The following STXBP4 variants were observed in gnomAD, a reference collection of about 807,000 sequenced individuals.
STXBP4 encodes syntaxin binding protein 4.
A neutral mutation model predicts 76.1 loss-of-function variants in STXBP4; 55 were observed. The observed-to-expected ratio is 0.72, with a 90% CI of 0.58 to 0.91. The LOEUF (loss-of-function observed/expected upper bound fraction) is 0.91. Ranked by LOEUF, STXBP4 falls within the 40% of genes least tolerant of loss-of-function variation. The pLI is 0.00. For missense variants in STXBP4, 618 were observed against 636.9 expected, an observed-to-expected ratio of 0.97 and a Z score of 0.32; for synonymous variants, 201 against 220.2, an observed-to-expected ratio of 0.91 and a Z score of 0.77.
intron 16 of STXBP4, among the ~76,000 whole-genome samples, chr17:55,140,019 T>C (rs1029909477): frequency 6.6e-6 from 1 of 152,142 alleles, no homozygotes; most frequent in Admixed American, 6.6e-5. Context: ...ATAGTTACTG[T>C]TAGGCCAAGC....
At chr17:55,066,775 C>T (rs907067302) in intron 12 of STXBP4, among the ~76,000 whole-genome samples, 10 of 151,976 alleles carry the variant, frequency 6.6e-5, no homozygotes, top group Admixed American at 3.9e-4. Flanking sequence ...TTTCGGAGGC[C>T]GAGGTGGGTG....
In STXBP4 at chr17:55,055,296, T is replaced by G. The variant is rs938014114; in HGVS notation, c.1011+8142T>G. Reference sequence around the variant, plus strand: ...GATCTTAGAGGACTGCCATTTAAAATATTTGACAAGGAGAGAAAAATGAAC... The same window carrying G: ...GATCTTAGAGGACTGCCATTTAAAAGATTTGACAAGGAGAGAAAAATGAAC... On this transcript the variant is annotated intron_variant, in intron 12 of 17. Coordinates refer to ENST00000376352, the MANE Select transcript of STXBP4 (RefSeq NM_178509.6). 7.9e-4 allele frequency among the ~76,000 whole-genome samples: 120 copies of G among 152,242 alleles called. 4 individuals are homozygous for G. Among genetic ancestry groups the G allele is most frequent in the Admixed American group, 7.5e-3 (115 of 15,280 alleles).
chr17:55,120,443 T>G (rs2079831348), intron 16 of STXBP4, among the ~76,000 whole-genome samples: 1 of 152,184 alleles, frequency 6.6e-6, no homozygotes, highest in Non-Finnish European at 1.5e-5. Context: ...GCCAGAGATA[T>G]GTACACTGCT....
intron 13 of STXBP4, among the ~76,000 whole-genome samples, chr17:55,073,422 C>G (rs1397122850): frequency 6.6e-6 from 1 of 152,018 alleles, no homozygotes. Flanking sequence ...GGAATGGGAG[C>G]AGGGGAGTCT....
intron 16 of STXBP4, among the ~76,000 whole-genome samples, chr17:55,099,493 T>C (rs568827946): frequency 6.6e-6 from 1 of 152,336 alleles, no homozygotes; most frequent in Non-Finnish European, 1.5e-5. Context: ...CTGTACTGAA[T>C]ACTGTATGCA....
chr17:55,183,858 A>G, the STXBP4 span, among the ~76,000 whole-genome samples: 2 of 152,212 alleles, frequency 1.3e-5, no homozygotes, highest in Non-Finnish European at 2.9e-5. Context: ...ATTTATGTGA[A>G]CCAAATAATA....
chr17:55,060,529 C>T (rs1020105271), intron 12 of STXBP4, among the ~76,000 whole-genome samples: 2 of 152,054 alleles, frequency 1.3e-5, no homozygotes, highest in African/African-American at 4.8e-5. Context: ...ATTCCTTAAG[C>T]ACATAGATAA....
chr17:55,066,712 A>G (rs2079055626), intron 12 of STXBP4, among the ~76,000 whole-genome samples: 1 of 152,074 alleles, frequency 6.6e-6, no homozygotes, highest in African/African-American at 2.4e-5. Context: ...AAATTTATAT[A>G]AAAAGAATAT....
chr17:55,115,362 G>A (rs1279875999), intron 16 of STXBP4, among the ~76,000 whole-genome samples: 1 of 151,676 alleles, frequency 6.6e-6, no homozygotes, highest in Non-Finnish European at 1.5e-5. Context: ...TATAGAATAT[G>A]GCTTTCTGTA....
chr17:55,210,505 T>C, the STXBP4 span, among the ~76,000 whole-genome samples: 1 of 152,218 alleles, frequency 6.6e-6, no homozygotes, highest in Admixed American at 6.5e-5. Context: ...ATTACTTCTC[T>C]TGATAAAGTT....
chr17:55,204,128 T>C, the STXBP4 span, among the ~76,000 whole-genome samples: 1 of 152,076 alleles, frequency 6.6e-6, no homozygotes, highest in African/African-American at 2.4e-5. Flanking sequence ...CTATTTTTAA[T>C]GCTATTCTCT....
intron 12 of STXBP4, among the ~76,000 whole-genome samples, chr17:55,055,224 T>C (rs1399017163): frequency 6.6e-6 from 1 of 152,094 alleles, no homozygotes; most frequent in Non-Finnish European, 1.5e-5. Context: ...GACATTTGGG[T>C]GGGTGTGTTG....
chr17:55,112,890 C>A (rs1204562249), intron 16 of STXBP4, among the ~76,000 whole-genome samples: 1 of 151,874 alleles, frequency 6.6e-6, no homozygotes, highest in Non-Finnish European at 1.5e-5. Context: ...AAGGGAATTT[C>A]AAAGAAGGAG....
chr17:55,075,662 G>A (rs1035322423), intron 13 of STXBP4, among the ~76,000 whole-genome samples: 9 of 152,034 alleles, frequency 5.9e-5, no homozygotes, highest in Non-Finnish European at 1.3e-4. Context: ...TGTTTACCCC[G>A]CATACTTGCT....
intron 1 of STXBP4, among the ~76,000 whole-genome samples, chr17:54,970,051 A>G (rs1470973574): frequency 3.3e-5 from 5 of 152,216 alleles, no homozygotes; most frequent in Non-Finnish European, 5.9e-5. Flanking sequence ...CTACTCAATA[A>G]CAATTCCAGG....
chr17:55,089,675 C>T (rs2079384692), intron 16 of STXBP4, among the ~76,000 whole-genome samples: 1 of 152,038 alleles, frequency 6.6e-6, no homozygotes, highest in South Asian at 2.1e-4. Context: ...ACTACATGTT[C>T]AGAACTGCAA....
At chr17:55,031,346 G>A in intron 9 of STXBP4, 82 bp downstream of exon 9, 1 of 1,135,180 alleles carries the variant, frequency 8.8e-7, no homozygotes, top group South Asian at 1.4e-5. Flanking sequence ...AAGAGTGTTT[G>A]TTCTTTAGAA....
chr17:55,143,172 T>C (rs1567780532), intron 17 of STXBP4, among the ~76,000 whole-genome samples: 1 of 152,216 alleles, frequency 6.6e-6, no homozygotes, highest in African/African-American at 2.4e-5. Context: ...CTCTTAACAA[T>C]GTGGAAAGTA....
chr17:55,058,124 C>T (rs560482722), intron 12 of STXBP4, among the ~76,000 whole-genome samples: 109 of 152,244 alleles, frequency 7.2e-4, no homozygotes, highest in Non-Finnish European at 1.4e-3. Context: ...CTTGAGGAAT[C>T]GCCACACTGT....
Sources: gnomAD v4.1 joint callset for allele counts (sites outside exome capture counted in the v4.1 genomes callset) on GRCh38, gnomAD v4.1.1 for gene constraint, MANE v1.5 for transcripts, NCBI Gene and HGNC (gene_info 2026-07-23, HGNC 2026-07-21) for gene names.